ATG4C: variants seen among roughly 807,000 people sequenced by gnomAD.
ATG4C encodes the protein cysteine protease ATG4C.
In ATG4C, 56 loss-of-function variants were observed where a neutral mutation model predicts 57.6. That is an observed-to-expected ratio of 0.97 (90% confidence interval 0.78 to 1.21). The LOEUF (loss-of-function observed/expected upper bound fraction) is 1.21, where lower values mean the gene tolerates loss of function less well. Among genes scored for constraint, ATG4C ranks in the 50% most tolerant of loss-of-function variants. ATG4C has a pLI of 0.00. For missense variants in ATG4C, 595 were observed against 529.8 expected (o/e 1.12, Z -1.21); for synonymous variants, 157 against 174.1 (o/e 0.90, Z 0.78).
chr1:62,820,250 C>T (rs1222780699), intron 5 of ATG4C, among the ~76,000 whole-genome samples: 1 of 152,012 alleles, frequency 6.6e-6, no homozygotes, highest in Admixed American at 6.6e-5. Flanking sequence ...CGGGGGACAG[C>T]AAACTTCTTC....
intron 9 of ATG4C, among the ~76,000 whole-genome samples, chr1:62,838,274 G>T (rs894609049): frequency 1.3e-5 from 2 of 152,006 alleles, no homozygotes; most frequent in African/African-American, 4.8e-5. Flanking sequence ...TCCTTAAAGT[G>T]CGTTTGTCAA....
chr1:62,819,379 A>G, intron 5 of ATG4C, 44 bp downstream of exon 5: 1 of 1,468,966 alleles, frequency 6.8e-7, no homozygotes, highest in East Asian at 2.3e-5. Flanking sequence ...AGAGGTCCTC[A>G]GGATTAAGAG....
chr1:62,790,612 C>T (rs549373743), intron 1 of ATG4C, among the ~76,000 whole-genome samples: 3 of 152,220 alleles, frequency 2.0e-5, no homozygotes, highest in Admixed American at 6.5e-5. Context: ...TTTTAATATA[C>T]TCTTTGTAAA....
intron 3 of ATG4C, among the ~76,000 whole-genome samples, chr1:62,812,753 G>C (rs1665128699): frequency 6.6e-6 from 1 of 152,170 alleles, no homozygotes; most frequent in South Asian, 2.1e-4. Flanking sequence ...TCCTTATGCT[G>C]ATAAGCAATT....
intron 10 of ATG4C, among the ~76,000 whole-genome samples, chr1:62,850,872 A>ATGTG (rs1666495129): frequency 1.2e-5 from 1 of 80,340 alleles, no homozygotes; most frequent in Non-Finnish European, 2.7e-5. Context: ...ATATATATAT[A>ATGTG]TATATATATA....
chr1:62,852,649 C>G (rs1666552258), intron 10 of ATG4C, among the ~76,000 whole-genome samples: 1 of 152,160 alleles, frequency 6.6e-6, no homozygotes, highest in Non-Finnish European at 1.5e-5. Flanking sequence ...TTACTAATCA[C>G]ATAATGTGCT....
intron 7 of ATG4C, among the ~76,000 whole-genome samples, chr1:62,831,680 T>G (rs1665844835): frequency 6.6e-6 from 1 of 152,144 alleles, no homozygotes; most frequent in African/African-American, 2.4e-5. Flanking sequence ...TGGATACAGC[T>G]CAATAAATTT....
At chr1:62,858,520 G>A (rs1666753011) in intron 10 of ATG4C, among the ~76,000 whole-genome samples, 2 of 152,142 alleles carry the variant, frequency 1.3e-5, no homozygotes, top group Non-Finnish European at 2.9e-5. Context: ...TAGAAGGAGT[G>A]AATGTAGACA....
intron 3 of ATG4C, among the ~76,000 whole-genome samples, chr1:62,815,911 C>T (rs976710619): frequency 6.6e-6 from 1 of 152,088 alleles, no homozygotes; most frequent in Non-Finnish European, 1.5e-5. Flanking sequence ...TCTTGAACTC[C>T]TGACCTCAAG....
chr1:62,793,597 G>GAAAAAAAAAAAAAA (rs746057232), intron 1 of ATG4C, among the ~76,000 whole-genome samples: 2 of 20,534 alleles, frequency 9.7e-5, no homozygotes, highest in Non-Finnish European at 8.9e-5. Context: ...ACCTTGTCTC[G>GAAAAAAAAAAAAAA]AAAAAAAAAA....
chr1:62,811,732 T>C (rs1004661387), intron 3 of ATG4C, among the ~76,000 whole-genome samples: 2 of 152,174 alleles, frequency 1.3e-5, no homozygotes, highest in Non-Finnish European at 2.9e-5. Context: ...ATTTAACATC[T>C]ATCGTTGTGG....
At chr1:62,785,295 T>C (rs1006297998) in intron 1 of ATG4C, 1 of 152,236 alleles carries the variant, frequency 6.6e-6, no homozygotes, top group African/African-American at 2.4e-5. Flanking sequence ...TTCAAATTGA[T>C]AAAGCTTCTT....
intron 5 of ATG4C, among the ~76,000 whole-genome samples, chr1:62,820,658 G>A (rs1377973274): frequency 1.3e-5 from 2 of 151,886 alleles, no homozygotes; most frequent in African/African-American, 4.8e-5. Flanking sequence ...TTGAAATTAG[G>A]AAATTCATTT....
chr1:62,786,793 A>G (rs6661179), intron 1 of ATG4C, among the ~76,000 whole-genome samples: 9,754 of 152,202 alleles, frequency 0.064, 1,049 homozygotes, highest in African/African-American at 0.22. Context: ...TAAAGTTACA[A>G]CTGTGGTAAA....
At chr1:62,863,956 A>G (rs1190210069) in intron 10 of ATG4C, 36 bp from the exon 11 acceptor site, 1 of 1,450,586 alleles carries the variant, frequency 6.9e-7, no homozygotes, top group Non-Finnish European at 9.3e-7. Flanking sequence ...GCACTATTGC[A>G]TCCAATAAGG....
intron 10 of ATG4C, among the ~76,000 whole-genome samples, chr1:62,852,553 TCTC>T (rs1385864744): frequency 6.6e-6 from 1 of 152,154 alleles, no homozygotes; most frequent in African/African-American, 2.4e-5. Flanking sequence ...TGGTTTCTCT[TCTC>T]CTAGCCATAC....
At chr1:62,828,626 C>G (rs1307014889) in intron 6 of ATG4C, among the ~76,000 whole-genome samples, 2 of 152,072 alleles carry the variant, frequency 1.3e-5, no homozygotes, top group East Asian at 3.9e-4. Context: ...TTGATAGTTT[C>G]TTTTGCTGTG....
At chr1:62,801,137 G>C (rs1220653894) in intron 1 of ATG4C, among the ~76,000 whole-genome samples, 27 of 152,178 alleles carry the variant, frequency 1.8e-4, no homozygotes, top group Admixed American at 1.8e-3. Flanking sequence ...AGAGGAAGCT[G>C]AGTAAGTAGG....
intron 1 of ATG4C, among the ~76,000 whole-genome samples, chr1:62,793,618 A>AC (rs35545126): frequency 0.33 from 33,777 of 102,470 alleles, 7,615 homozygotes; most frequent in East Asian, 0.57. Context: ...AAAAAAAAAA[A>AC]AACCAAAAAA....
Sources: gnomAD v4.1 joint callset for allele counts (sites outside exome capture counted in the v4.1 genomes callset) on GRCh38, gnomAD v4.1.1 for gene constraint, MANE v1.5 for transcripts, NCBI Gene and HGNC (gene_info 2026-07-23, HGNC 2026-07-21) for gene names.